ESRRG: variants seen among roughly 807,000 people sequenced by gnomAD.
ESRRG encodes the protein estrogen-related receptor gamma.
In ESRRG, 13 loss-of-function variants were observed where a neutral mutation model predicts 44.0. The observed-to-expected ratio is 0.30, with a 90% CI of 0.19 to 0.47. The LOEUF (loss-of-function observed/expected upper bound fraction) is 0.47. ESRRG is among the 20% of genes least tolerant of loss of function. The pLI is 1.00. For synonymous variants in ESRRG, 215 were observed against 214.6 expected (o/e 1.00, Z -0.02); for missense variants, 395 against 580.6 (o/e 0.68, Z 3.29).
intron 2 of ESRRG, among the ~76,000 whole-genome samples, chr1:216,882,717 A>C (rs2096464060): frequency 6.6e-6 from 1 of 152,224 alleles, no homozygotes; most frequent in Non-Finnish European, 1.5e-5. Context: ...TTTTAAACAC[A>C]CTAAAAAGAA....
chr1:216,786,674 G>T (rs1250925069), intron 2 of ESRRG, among the ~76,000 whole-genome samples: 1 of 152,104 alleles, frequency 6.6e-6, no homozygotes, highest in African/African-American at 2.4e-5. Flanking sequence ...CAGAATGCGG[G>T]CTATATTACA....
intron 1 of ESRRG, among the ~76,000 whole-genome samples, chr1:216,684,615 T>C (rs2077591466): frequency 6.6e-6 from 1 of 152,244 alleles, no homozygotes; most frequent in South Asian, 2.1e-4. Flanking sequence ...CTATAAAATA[T>C]ACACAGTTTA....
chr1:216,613,043 T>C (rs534913523), intron 3 of ESRRG, among the ~76,000 whole-genome samples: 18 of 152,334 alleles, frequency 1.2e-4, no homozygotes, highest in African/African-American at 3.4e-4. Flanking sequence ...CTGCTTTCCA[T>C]AGTATCTTAA....
intron 1 of ESRRG, among the ~76,000 whole-genome samples, chr1:216,990,729 A>C (rs971199398): frequency 6.6e-6 from 1 of 152,130 alleles, no homozygotes; most frequent in African/African-American, 2.4e-5. Flanking sequence ...ATCTTACTTT[A>C]TTGTAAGGAT....
At chr1:216,645,782 G>A (rs370507598) in intron 3 of ESRRG, among the ~76,000 whole-genome samples, 1 of 144,124 alleles carries the variant, frequency 6.9e-6, no homozygotes, top group Admixed American at 7.4e-5. Flanking sequence ...TGAGACAAGA[G>A]AATCACTTGA....
chr1:216,634,597 G>A (rs368413569), intron 3 of ESRRG, among the ~76,000 whole-genome samples: 19 of 152,216 alleles, frequency 1.2e-4, no homozygotes, highest in African/African-American at 4.1e-4. Context: ...CTTAAAAATC[G>A]TTCATAGCAA....
chr1:216,954,214 G>A (rs1425872885), intron 1 of ESRRG, among the ~76,000 whole-genome samples: 3 of 151,456 alleles, frequency 2.0e-5, no homozygotes, highest in African/African-American at 7.3e-5. Flanking sequence ...TTTTTTAATT[G>A]CACTACTCCA....
At chr1:216,570,737 AT>A (rs2060631602) in intron 3 of ESRRG, among the ~76,000 whole-genome samples, 1 of 152,222 alleles carries the variant, frequency 6.6e-6, no homozygotes, top group African/African-American at 2.4e-5. Context: ...GAGAGAAACA[AT>A]GACAGGCAAA....
At chr1:216,575,565 A>G (rs1166732019) in intron 3 of ESRRG, among the ~76,000 whole-genome samples, 1 of 152,144 alleles carries the variant, frequency 6.6e-6, no homozygotes, top group Non-Finnish European at 1.5e-5. Flanking sequence ...GCATATTAAC[A>G]CATTTAATCC....
intron 2 of ESRRG, among the ~76,000 whole-genome samples, chr1:216,667,888 G>C (rs2074311046): frequency 6.6e-6 from 1 of 151,834 alleles, no homozygotes; most frequent in Non-Finnish European, 1.5e-5. Context: ...CTGAGGTCAG[G>C]AGTTTGAGAC....
chr1:217,085,092 A>G (rs186859035), intron 1 of ESRRG, among the ~76,000 whole-genome samples: 54 of 108,798 alleles, frequency 5.0e-4, no homozygotes, highest in East Asian at 1.4e-3. Flanking sequence ...GCCTTTCACA[A>G]TGGGTTGTGA....
chr1:216,646,808 T>A (rs1459608896), intron 3 of ESRRG, among the ~76,000 whole-genome samples: 1 of 152,182 alleles, frequency 6.6e-6, no homozygotes, highest in Non-Finnish European at 1.5e-5. Context: ...ATAACAAAAC[T>A]GGTCCTCTAA....
chr1:216,927,218 G>A (rs993260230), intron 2 of ESRRG, among the ~76,000 whole-genome samples: 4 of 152,080 alleles, frequency 2.6e-5, no homozygotes, highest in African/African-American at 7.2e-5. Flanking sequence ...TCAAAGGCTC[G>A]ATTTTTCTCT....
chr1:216,756,512 A>T (rs1054102687), intron 2 of ESRRG, among the ~76,000 whole-genome samples: 1 of 152,008 alleles, frequency 6.6e-6, no homozygotes, highest in East Asian at 1.9e-4. Context: ...CAAGAAAATC[A>T]GGTTTTTTCT....
At chr1:216,892,097 G>T (rs2149408155) in intron 2 of ESRRG, among the ~76,000 whole-genome samples, 1 of 152,224 alleles carries the variant, frequency 6.6e-6, no homozygotes, top group South Asian at 2.1e-4. Flanking sequence ...GAGCCACCGT[G>T]CCTGGCTGGT....
intron 2 of ESRRG, among the ~76,000 whole-genome samples, chr1:216,829,085 T>G (rs956238766): frequency 6.6e-6 from 1 of 152,230 alleles, no homozygotes; most frequent in Non-Finnish European, 1.5e-5. Flanking sequence ...AAGATTAAGC[T>G]ATCTCAGTAA....
intron 1 of ESRRG, among the ~76,000 whole-genome samples, chr1:217,061,155 G>T (rs2088385542): frequency 6.6e-6 from 1 of 151,954 alleles, no homozygotes; most frequent in Admixed American, 6.6e-5. Flanking sequence ...AATGTTCCTT[G>T]TTCAAGACAA....
At chr1:217,093,612 T>G (rs2151554253), upstream of ESRRG, among the ~76,000 whole-genome samples, 1 of 152,078 alleles carries the variant, frequency 6.6e-6, no homozygotes, top group South Asian at 2.1e-4. Context: ...ATGAGACCCC[T>G]TCTCTGCAAG....
At chr1:216,727,300 T>C (rs995341911), upstream of ESRRG, among the ~76,000 whole-genome samples, 3 of 152,212 alleles carry the variant, frequency 2.0e-5, no homozygotes, top group African/African-American at 7.2e-5. Flanking sequence ...ATGTATCATA[T>C]ATAGTATAAT....
Sources: gnomAD v4.1 joint callset for allele counts (sites outside exome capture counted in the v4.1 genomes callset) on GRCh38, gnomAD v4.1.1 for gene constraint, MANE v1.5 for transcripts, NCBI Gene and HGNC (gene_info 2026-07-23, HGNC 2026-07-21) for gene names.